The following RYR2 variants were observed in gnomAD, a reference collection of about 807,000 sequenced individuals.
RYR2 encodes the protein cardiac muscle ryanodine receptor-calcium release channel.
A neutral mutation model predicts 601.1 loss-of-function variants in RYR2; 227 were observed. The observed-to-expected ratio is 0.38, with a 90% confidence interval of 0.34 to 0.42. The LOEUF (loss-of-function observed/expected upper bound fraction) is 0.42, where lower values mean the gene tolerates loss of function less well. Among genes scored for constraint, RYR2 ranks in the 10% least tolerant of loss-of-function variants. The pLI is 1.00. For missense variants in RYR2, 4,646 were observed against 6,156.5 expected, an observed-to-expected ratio of 0.75 and a Z score of 8.21; for synonymous variants, 2,223 against 2,175.1, an observed-to-expected ratio of 1.02 and a Z score of -0.61.
intron 2 of RYR2, among the ~76,000 whole-genome samples, chr1:237,301,955 C>A (rs1023204214): frequency 1.3e-5 from 2 of 152,122 alleles, no homozygotes; most frequent in African/African-American, 4.8e-5. Flanking sequence ...AAAGAAAAAT[C>A]TCAGGTGCAG....
chr1:237,302,955 C>T (rs952565022), intron 2 of RYR2, among the ~76,000 whole-genome samples: 1 of 152,164 alleles, frequency 6.6e-6, no homozygotes. Flanking sequence ...TGTTTCTACG[C>T]ATCCATTTGC....
intron 1 of RYR2, among the ~76,000 whole-genome samples, chr1:237,269,677 C>G (rs1275257221): frequency 6.6e-6 from 1 of 152,124 alleles, no homozygotes; most frequent in Non-Finnish European, 1.5e-5. Context: ...ATGTAAGGTG[C>G]TTTATCGGAT....
chr1:237,283,747 T>C (rs1691146126), intron 2 of RYR2, among the ~76,000 whole-genome samples: 1 of 152,222 alleles, frequency 6.6e-6, no homozygotes, highest in Admixed American at 6.5e-5. Flanking sequence ...CCTATATAGA[T>C]TGATAATGGT....
chr1:237,270,954 C>G (rs908713177), intron 2 of RYR2, among the ~76,000 whole-genome samples: 2 of 152,120 alleles, frequency 1.3e-5, no homozygotes, highest in Admixed American at 1.3e-4. Context: ...AACCAATAGT[C>G]TTAGGCTCAT....
intron 101 of RYR2, among the ~76,000 whole-genome samples, chr1:237,825,855 A>C (rs1663028344): frequency 6.6e-6 from 1 of 152,224 alleles, no homozygotes; most frequent in African/African-American, 2.4e-5. Context: ...AAAGTGGGTG[A>C]AGGATATGAA....
intron 1 of RYR2, among the ~76,000 whole-genome samples, chr1:237,083,531 A>G (rs1027723461): frequency 2.0e-5 from 3 of 152,044 alleles, no homozygotes; most frequent in African/African-American, 7.2e-5. Context: ...GTGTTGGTGT[A>G]TGAGCTTGTT....
At chr1:237,133,680 G>T (rs1672417024) in intron 1 of RYR2, among the ~76,000 whole-genome samples, 1 of 152,136 alleles carries the variant, frequency 6.6e-6, no homozygotes. Flanking sequence ...CAGGCATGGT[G>T]GCTCACACCC....
Position 237,617,260 on chromosome 1 carries a change from TTGGTGTCTTTTTAA to T in RYR2, c.5716-21_5716-8del. 1 of 1,564,938 alleles carries T rather than the reference TTGGTGTCTTTTTAA, an allele frequency of 6.4e-7. No individual in the cohort carries two copies. The highest frequency in any genetic ancestry group is 8.7e-7 in the Non-Finnish European group (1 of 1,151,714). On this transcript the variant is annotated splice_polypyrimidine_tract_variant and intron_variant, in intron 37 of 104. Transcript: ENST00000366574. ...TTATTAAAGGATTTAGAAATTAAAT[TTGGTGTCTTTTTAA>T]TGGTCTCTTAGATGTGCCTACTGCT...
chr1:237,495,011 G>C (rs559336555), intron 19 of RYR2, among the ~76,000 whole-genome samples: 2 of 152,026 alleles, frequency 1.3e-5, no homozygotes, highest in Non-Finnish European at 2.9e-5. Context: ...GCCTGGTCTC[G>C]AACTCCTGAC....
chr1:237,613,872 A>G (rs934448083), intron 36 of RYR2, among the ~76,000 whole-genome samples, 167 bp from the exon 37 acceptor site: 1 of 152,206 alleles, frequency 6.6e-6, no homozygotes, highest in Non-Finnish European at 1.5e-5. Flanking sequence ...TCCCAAATCC[A>G]AACAATTCTG....
intron 101 of RYR2, among the ~76,000 whole-genome samples, chr1:237,823,840 AG>A (rs1266095563): frequency 6.6e-6 from 1 of 152,160 alleles, no homozygotes; most frequent in Non-Finnish European, 1.5e-5. Flanking sequence ...AAAATTATAA[AG>A]GGGATATCAC....
At chr1:237,393,431 TA>T (rs1702556228) in intron 10 of RYR2, among the ~76,000 whole-genome samples, 1 of 152,180 alleles carries the variant, frequency 6.6e-6, no homozygotes, top group African/African-American at 2.4e-5. Context: ...TGTAATGAAT[TA>T]AATGCCTCTC....
At chr1:237,176,105 G>A (rs1678014085) in intron 1 of RYR2, among the ~76,000 whole-genome samples, 1 of 151,750 alleles carries the variant, frequency 6.6e-6, no homozygotes, top group African/African-American at 2.4e-5. Flanking sequence ...GTGTGTACCT[G>A]TAGTCCCAGT....
intron 1 of RYR2, among the ~76,000 whole-genome samples, chr1:237,081,902 G>A (rs1447812005): frequency 1.3e-5 from 2 of 152,040 alleles, no homozygotes; most frequent in African/African-American, 4.8e-5. Flanking sequence ...ACTACTTGGC[G>A]ATGATCCCTG....
intron 3 of RYR2, chr1:237,352,912 C>T (rs373076030): frequency 3.2e-5 from 16 of 500,642 alleles, no homozygotes; most frequent in African/African-American, 1.7e-4. Flanking sequence ...TACCATCTTA[C>T]ATAAAAAATC....
At chr1:237,450,818 T>G (rs1237631936) in intron 14 of RYR2, among the ~76,000 whole-genome samples, 1 of 152,212 alleles carries the variant, frequency 6.6e-6, no homozygotes, top group East Asian at 1.9e-4. Flanking sequence ...ACCTGAGAAG[T>G]GCCATGGATA....
intron 24 of RYR2, among the ~76,000 whole-genome samples, chr1:237,515,655 C>CT: frequency 7.6e-6 from 1 of 131,680 alleles, no homozygotes; most frequent in Non-Finnish European, 1.6e-5. Flanking sequence ...CCCTTCCCTC[C>CT]CCTTCCCCTC....
At chr1:237,284,565 C>CAT (rs1254717391) in intron 2 of RYR2, among the ~76,000 whole-genome samples, 6 of 83,458 alleles carry the variant, frequency 7.2e-5, no homozygotes, top group Non-Finnish European at 1.1e-4. Flanking sequence ...TATATTCCAC[C>CAT]ATATATATAC....
chr1:237,188,501 A>G (rs1679611697), intron 1 of RYR2, among the ~76,000 whole-genome samples: 1 of 152,172 alleles, frequency 6.6e-6, no homozygotes, highest in Admixed American at 6.5e-5. Context: ...ATGAGATAAT[A>G]CATGTAAACC....
Sources: gnomAD v4.1 joint callset for allele counts (sites outside exome capture counted in the v4.1 genomes callset) on GRCh38, gnomAD v4.1.1 for gene constraint, MANE v1.5 for transcripts, NCBI Gene and HGNC (gene_info 2026-07-23, HGNC 2026-07-21) for gene names.